Variants in ADK observed in about 807,000 individuals in gnomAD.
ADK encodes N6,N6-dimethyladenosine kinase.
Under a neutral mutation model 44.7 loss-of-function variants are expected in ADK, and 24 were observed. The observed-to-expected ratio is 0.54, with a 90% CI of 0.39 to 0.76. The LOEUF (loss-of-function observed/expected upper bound fraction) is 0.76. Ranked by LOEUF, ADK falls within the 30% of genes least tolerant of loss-of-function variation. The pLI is 0.00. For synonymous variants in ADK, 128 were observed against 142.6 expected, an observed-to-expected ratio of 0.90 and a Z score of 0.73; for missense variants, 321 against 425.1, an observed-to-expected ratio of 0.76 and a Z score of 2.15.
chr10:74,568,017 A>C (rs1410983097), intron 7 of ADK, among the ~76,000 whole-genome samples: 1 of 151,910 alleles, frequency 6.6e-6, no homozygotes, highest in Non-Finnish European at 1.5e-5. Context: ...TCTCTTTTTA[A>C]TTCCAATTAC....
intron 7 of ADK, among the ~76,000 whole-genome samples, chr10:74,553,204 T>TG (rs1850102362): frequency 7.9e-6 from 1 of 126,914 alleles, no homozygotes; most frequent in South Asian, 2.9e-4. Flanking sequence ...TTTTTTTTTT[T>TG]TTTTTTTTTT....
chr10:74,594,096 A>G (rs1009075469), intron 8 of ADK, among the ~76,000 whole-genome samples: 1 of 152,040 alleles, frequency 6.6e-6, no homozygotes, highest in Non-Finnish European at 1.5e-5. Flanking sequence ...ACAGAAAGCC[A>G]AACACTGCAT....
Position 74,436,626 on chromosome 10 carries a change from T to C in ADK, c.555+38047T>C, listed in dbSNP as rs148935062. Among the ~76,000 whole-genome samples, 744 of 152,298 alleles carry C rather than the reference T, an allele frequency of 4.9e-3. 5 individuals are homozygous for C. Among genetic ancestry groups the C allele is most frequent in the African/African-American group, 0.017 (700 of 41,554 alleles). On this transcript the variant is annotated intron_variant, in intron 6 of 10. Transcript: ENST00000539909. ...CCCCTATAATATGCTTAACTGATTT[T>C]TGACAAAGGTATAAAGCCAACTAAT...
intron 2 of ADK, among the ~76,000 whole-genome samples, chr10:74,211,283 G>C (rs139489242): frequency 3.3e-5 from 5 of 152,072 alleles, no homozygotes; most frequent in Non-Finnish European, 7.4e-5. Flanking sequence ...TGAATATTCT[G>C]TCTGGGATTT....
chr10:74,543,782 T>C (rs950465874), intron 7 of ADK, among the ~76,000 whole-genome samples: 1 of 152,242 alleles, frequency 6.6e-6, no homozygotes, highest in Non-Finnish European at 1.5e-5. Context: ...CAATTCATTT[T>C]AGCACAGTAA....
At chr10:74,645,684 T>C (rs1362124386) in intron 9 of ADK, among the ~76,000 whole-genome samples, 1 of 152,242 alleles carries the variant, frequency 6.6e-6, no homozygotes, top group Non-Finnish European at 1.5e-5. Flanking sequence ...ATGTGTACCT[T>C]GTTTGATGAG....
intron 9 of ADK, among the ~76,000 whole-genome samples, chr10:74,665,736 T>TGAGAGAGAGAGAGAGAGAGAGAGA (rs59620474): frequency 8.6e-6 from 1 of 116,208 alleles, no homozygotes; most frequent in African/African-American, 3.5e-5. Flanking sequence ...CCTTAGCTCT[T>TGAGAGAGAGAGAGAGAGAGAGAGA]GAGAGAGAGA....
At chr10:74,519,770 G>A (rs1224494367) in intron 6 of ADK, among the ~76,000 whole-genome samples, 2 of 151,576 alleles carry the variant, frequency 1.3e-5, no homozygotes, top group Non-Finnish European at 3.0e-5. Flanking sequence ...TTATCTATTG[G>A]TGTCCTAATG....
intron 6 of ADK, among the ~76,000 whole-genome samples, chr10:74,488,253 G>T (rs1416739505): frequency 2.0e-5 from 3 of 151,708 alleles, no homozygotes; most frequent in African/African-American, 7.3e-5. Context: ...CTATATATTA[G>T]ATAATACTAC....
At chr10:74,226,120 T>C (rs1190424295) in intron 3 of ADK, among the ~76,000 whole-genome samples, 1 of 152,190 alleles carries the variant, frequency 6.6e-6, no homozygotes, top group Admixed American at 6.5e-5. Context: ...TTTTTTTTGT[T>C]TTTTTGAGAC....
chr10:74,197,059 A>G (rs1843180832), intron 1 of ADK, among the ~76,000 whole-genome samples: 1 of 152,190 alleles, frequency 6.6e-6, no homozygotes, highest in Admixed American at 6.5e-5. Flanking sequence ...GTATCTGAGC[A>G]TCATAGAAAA....
At position 74,587,484 on chromosome 10, in the gene ADK, C is replaced by T. The variant is rs191215255; in HGVS notation, c.727-1798C>T. 1.5e-3 allele frequency among the ~76,000 whole-genome samples: 233 copies of T among 152,300 alleles called. 1 individual carries two copies. The highest frequency in any genetic ancestry group is 5.1e-3 in the African/African-American group (210 of 41,568). On this transcript the variant is annotated intron_variant, in intron 7 of 10. Coordinates refer to ENST00000539909, the MANE Select transcript of ADK (RefSeq NM_006721.4). ...CTTTCTAAATCCTCAAAATGGTTCTCTAACCTATATGTTATTAGTACATTG... is the reference window on the plus strand; with the variant it reads ...CTTTCTAAATCCTCAAAATGGTTCTTTAACCTATATGTTATTAGTACATTG...
At chr10:74,173,239 C>G (rs1221857687) in intron 1 of ADK, among the ~76,000 whole-genome samples, 1 of 147,006 alleles carries the variant, frequency 6.8e-6, no homozygotes, top group African/African-American at 2.5e-5. Context: ...TACAGGCACC[C>G]GCCACCACGC....
intron 10 of ADK, among the ~76,000 whole-genome samples, chr10:74,698,735 T>G (rs1675420811): frequency 6.6e-6 from 1 of 152,096 alleles, no homozygotes; most frequent in Non-Finnish European, 1.5e-5. Flanking sequence ...TTTTTGAATT[T>G]TTTTGTAGGG....
intron 1 of ADK, among the ~76,000 whole-genome samples, chr10:74,168,113 A>G (rs952012889): frequency 7.2e-5 from 11 of 152,192 alleles, no homozygotes; most frequent in African/African-American, 2.7e-4. Context: ...TTACTTGATT[A>G]TTCATCTTTC....
intron 4 of ADK, among the ~76,000 whole-genome samples, chr10:74,382,408 C>T (rs1279823286): frequency 6.6e-6 from 1 of 152,068 alleles, no homozygotes; most frequent in Non-Finnish European, 1.5e-5. Flanking sequence ...CCTTTCTCAC[C>T]GTTTTGTCCT....
At chr10:74,179,806 GTTTC>G (rs773898117) in intron 1 of ADK, among the ~76,000 whole-genome samples, 5 of 152,106 alleles carry the variant, frequency 3.3e-5, no homozygotes, top group Non-Finnish European at 7.4e-5. Flanking sequence ...TCATCCTTTT[GTTTC>G]TTTATTTCTC....
chr10:74,604,105 G>A (rs1217649246), intron 9 of ADK, among the ~76,000 whole-genome samples: 4 of 151,816 alleles, frequency 2.6e-5, no homozygotes, highest in African/African-American at 7.2e-5. Flanking sequence ...TTGTTTGTTC[G>A]TTTTTTGTAA....
intron 2 of ADK, among the ~76,000 whole-genome samples, chr10:74,217,225 C>T (rs959971826): frequency 2.6e-5 from 4 of 152,258 alleles, no homozygotes; most frequent in African/African-American, 4.8e-5. Flanking sequence ...ATATCCTGCA[C>T]CTGGCTCGGA....
Sources: gnomAD v4.1 joint callset for allele counts (sites outside exome capture counted in the v4.1 genomes callset) on GRCh38, gnomAD v4.1.1 for gene constraint, MANE v1.5 for transcripts, NCBI Gene and HGNC (gene_info 2026-07-23, HGNC 2026-07-21) for gene names.